The following YLPM1 variants were observed in gnomAD, a reference collection of about 807,000 sequenced individuals.
YLPM1 encodes the protein YLP motif-containing protein 1.
In YLPM1, 99 loss-of-function variants were observed where a neutral mutation model predicts 230.0. That is an observed-to-expected ratio of 0.43 (90% confidence interval 0.37 to 0.51). The LOEUF (loss-of-function observed/expected upper bound fraction) is 0.51, where lower values mean the gene tolerates loss of function less well. Ranked by LOEUF, YLPM1 falls within the 20% of genes least tolerant of loss-of-function variation. The pLI is 0.00. For missense variants in YLPM1, 2,592 were observed against 2,707.7 expected (o/e 0.96, Z 0.95); for synonymous variants, 984 against 942.5 (o/e 1.04, Z -0.81).
chr14:74,826,293 A>G (rs1256847211), intron 18 of YLPM1, among the ~76,000 whole-genome samples: 1 of 152,154 alleles, frequency 6.6e-6, no homozygotes, highest in Non-Finnish European at 1.5e-5. Flanking sequence ...AACTGAGAAG[A>G]TTCTTCTCTA....
chr14:74,780,291 T>C, intron 2 of YLPM1, 114 bp from the exon 3 acceptor site: 1 of 1,313,650 alleles, frequency 7.6e-7, no homozygotes, highest in Non-Finnish European at 1.0e-6. Context: ...ATACTGTGTT[T>C]GACAGTTGGA....
chr14:74,814,020 C>G (rs1320817866), intron 11 of YLPM1, among the ~76,000 whole-genome samples: 1 of 152,146 alleles, frequency 6.6e-6, no homozygotes, highest in Non-Finnish European at 1.5e-5. Flanking sequence ...AGTGGACATT[C>G]TTGTCTTGTA....
intron 12 of YLPM1, 71 bp downstream of exon 12, chr14:74,816,336 A>G: frequency 1.3e-6 from 2 of 1,484,690 alleles, no homozygotes; most frequent in East Asian, 2.4e-5. Flanking sequence ...CTTCTTATTA[A>G]TAGCAAGCAA....
intron 2 of YLPM1, among the ~76,000 whole-genome samples, chr14:74,779,792 C>T (rs1301986463): frequency 6.7e-6 from 1 of 148,882 alleles, no homozygotes; most frequent in African/African-American, 2.5e-5. Flanking sequence ...TCTCTTCCCT[C>T]CCCTCCCCTC....
Position 74,827,820 on chromosome 14 carries a change from C to G in YLPM1, c.6164-1393C>G, listed in dbSNP as rs2091577451. Reference sequence around the variant, plus strand: ...ACCATAACCTGTGTCCCTGTGCAGTCAGGGGGTCACTTCTTTAAGATCATG... The same window carrying G: ...ACCATAACCTGTGTCCCTGTGCAGTGAGGGGGTCACTTCTTTAAGATCATG... On this transcript the variant is annotated intron_variant, in intron 18 of 20. Transcript: ENST00000325680. 4 of 985,176 alleles carry G rather than the reference C, an allele frequency of 4.1e-6. No individual in the cohort carries two copies. In the Admixed American group the frequency reaches 2.5e-4, roughly 61 times the overall value. The allele number at this position is 985,176 out of a possible 1,614,324, so 61.0% of individuals were successfully genotyped here.
intron 11 of YLPM1, 143 bp downstream of exon 11, chr14:74,812,925 A>G: frequency 9.0e-7 from 1 of 1,109,734 alleles, no homozygotes; most frequent in East Asian, 2.7e-5. Flanking sequence ...AAATCACCAT[A>G]TAATCTCATA....
In YLPM1 at chr14:74,763,354, C is replaced by T. The variant is rs927592579; in HGVS notation, c.-136C>T. 18 of 1,130,948 alleles carry T rather than the reference C, an allele frequency of 1.6e-5. No homozygotes were observed. Among genetic ancestry groups the T allele is most frequent in the Non-Finnish European group, 2.1e-5 (18 of 870,998 alleles). The allele number at this position is 1,130,948 out of a possible 1,614,324, so 70.1% of individuals were successfully genotyped here. A position where few individuals can be genotyped will look rare whatever the true frequency, so the allele number is the denominator to read the frequency against. On this transcript the variant is annotated 5_prime_UTR_variant, in exon 1 of 21. Transcript: ENST00000325680. ...GGCCCAGCTCGGGAGCGCCGGCGCA[C>T]TGGCGCGCTCCGTTTACACGCTCCG...
Position 74,763,391 on chromosome 14 carries a change from C to G in YLPM1, c.-99C>G. 8.1e-6 allele frequency: 11 copies of G among 1,356,200 alleles called. No homozygotes were observed. The highest frequency in any genetic ancestry group is 1.9e-5 in the South Asian group (1 of 52,734). The allele number at this position is 1,356,200 out of a possible 1,614,324, so 84.0% of individuals were successfully genotyped here. On this transcript the variant is annotated 5_prime_UTR_variant, in exon 1 of 21. Transcript: ENST00000325680. Reference sequence around the variant, plus strand: ...GTTTACACGCTCCGGGGCCTGTAGGCGCCGCGAGTTCCGGCTGTCGCCGTC... The same window carrying G: ...GTTTACACGCTCCGGGGCCTGTAGGGGCCGCGAGTTCCGGCTGTCGCCGTC...
At chr14:74,774,790 C>A (rs1343611100) in intron 1 of YLPM1, among the ~76,000 whole-genome samples, 1 of 148,190 alleles carries the variant, frequency 6.7e-6, no homozygotes, top group Non-Finnish European at 1.5e-5. Context: ...GTGATCAGCC[C>A]ACCTTGGCCT....
rs1158275487 is a variant in YLPM1 at position 74,766,883 on chromosome 14, C to CT, written c.873+2539dup. ...AAACAAAACAAAACCAAGACCTTTT[C>CT]TTTTTTTTTTTTTTTTTTGAGATGG... On this transcript the variant is annotated intron_variant, in intron 1 of 20. Transcript: ENST00000325680. Among the ~76,000 whole-genome samples, 797 of 131,168 alleles carry CT rather than the reference C, an allele frequency of 6.1e-3. 5 individuals carry two copies. The highest frequency in any genetic ancestry group is 0.012 in the African/African-American group (437 of 36,378). The allele number at this position is 131,168 out of a possible 152,430, so 86.1% of individuals were successfully genotyped here.
intron 6 of YLPM1, among the ~76,000 whole-genome samples, chr14:74,805,096 C>T (rs1422582036): frequency 2.6e-5 from 4 of 151,046 alleles, no homozygotes; most frequent in African/African-American, 4.9e-5. Flanking sequence ...TTCAGCTCAC[C>T]GAAACCTCCA....
chr14:74,801,175 G>C (rs891140262), intron 5 of YLPM1, among the ~76,000 whole-genome samples: 1 of 152,038 alleles, frequency 6.6e-6, no homozygotes, highest in African/African-American at 2.4e-5. Flanking sequence ...CTTTTTTAAA[G>C]CTTTCTAGGC....
At chr14:74,775,583 G>T (rs868137277) in intron 1 of YLPM1, among the ~76,000 whole-genome samples, 11 of 152,254 alleles carry the variant, frequency 7.2e-5, no homozygotes, top group South Asian at 6.2e-4. Context: ...TTGGGACCCA[G>T]TCTGGAAAAA....
intron 4 of YLPM1, among the ~76,000 whole-genome samples, chr14:74,793,855 G>A (rs1326807433): frequency 2.0e-5 from 3 of 152,154 alleles, no homozygotes; most frequent in South Asian, 2.1e-4. Context: ...ATAGATTTAC[G>A]TATTTTTAGC....
At chr14:74,784,941 T>C (rs2091132628) in intron 4 of YLPM1, among the ~76,000 whole-genome samples, 1 of 152,220 alleles carries the variant, frequency 6.6e-6, no homozygotes. Flanking sequence ...GAACACTTAC[T>C]TCAGATGCAG....
chr14:74,799,039 T>C lies in YLPM1; in HGVS notation c.3742T>C (p.Phe1248Leu). 1 of 1,613,892 alleles carries C rather than the reference T, an allele frequency of 6.2e-7. No individual in the cohort carries two copies. The highest frequency in any genetic ancestry group is 1.1e-5 in the South Asian group (1 of 91,074). ...AGAGCTCTATAACAGAGAGGACAGG[T>C]TCTCAGCACCACCATCTCGGTCTCA... The part of the protein sequence containing the change: ...TLELYNREDR[F>L]SAPPSRSHDG... Residue 1248 changes from phenylalanine (F) to leucine (L), a missense_variant, in exon 5 of 21, where the codon TTC (phenylalanine) becomes CTC (leucine). This residue lies in a region of YLPM1 where 1,862 missense variants were observed against 1,819.8 expected (regional missense o/e 1.02). Coordinates refer to ENST00000325680, the MANE Select transcript of YLPM1 (RefSeq NM_019589.3).
intron 8 of YLPM1, 53 bp downstream of exon 8, chr14:74,810,055 A>G: frequency 6.6e-7 from 1 of 1,515,738 alleles, no homozygotes; most frequent in Non-Finnish European, 8.9e-7. Flanking sequence ...CCTAATTATC[A>G]CATGATTTTC....
chr14:74,783,499 T>A (rs146773890), intron 4 of YLPM1, among the ~76,000 whole-genome samples: 82 of 152,344 alleles, frequency 5.4e-4, no homozygotes, highest in African/African-American at 1.9e-3. Context: ...GAAAGTCACC[T>A]AATTCCACCA....
intron 19 of YLPM1, among the ~76,000 whole-genome samples, chr14:74,834,271 A>G (rs1163425053): frequency 6.6e-6 from 1 of 152,068 alleles, no homozygotes; most frequent in Non-Finnish European, 1.5e-5. Context: ...CCAATAGGAA[A>G]TATCCCTGAT....
Sources: gnomAD v4.1 joint callset for allele counts (sites outside exome capture counted in the v4.1 genomes callset) on GRCh38, gnomAD v4.1.1 for gene constraint, gnomAD v4.1.1 regional missense constraint, MANE v1.5 for transcripts, NCBI Gene and HGNC (gene_info 2026-07-23, HGNC 2026-07-21) for gene names.